Variants in RXRA observed in about 807,000 individuals in gnomAD.
The protein encoded by RXRA is retinoic acid receptor RXR-alpha.
A neutral mutation model predicts 44.5 loss-of-function variants in RXRA; 5 were observed. The observed-to-expected ratio is 0.11, with a 90% CI of 0.06 to 0.24. The LOEUF is 0.24. Ranked by LOEUF, RXRA falls within the 10% of genes least tolerant of loss-of-function variation. RXRA has a pLI of 1.00. For missense variants in RXRA, 412 were observed against 646.5 expected (o/e 0.64, Z 3.93); for synonymous variants, 291 against 271.4 (o/e 1.07, Z -0.71).
intron 1 of RXRA, among the ~76,000 whole-genome samples, chr9:134,348,573 C>T (rs782787079): frequency 6.6e-6 from 1 of 152,164 alleles, no homozygotes; most frequent in Non-Finnish European, 1.5e-5. Flanking sequence ...GTGGCCGACA[C>T]GTGGGTTGAG....
At chr9:134,397,245 G>C (rs73556231) in intron 1 of RXRA, among the ~76,000 whole-genome samples, 20,567 of 152,160 alleles carry the variant, frequency 0.14, 4,575 homozygotes, top group African/African-American at 0.46. Flanking sequence ...TACACCTGGG[G>C]TGGCAATTCA....
At chr9:134,357,823 G>C (rs1250419224) in intron 1 of RXRA, among the ~76,000 whole-genome samples, 1 of 152,230 alleles carries the variant, frequency 6.6e-6, no homozygotes, top group Non-Finnish European at 1.5e-5. Context: ...TTCTTCATAA[G>C]TTTGTTTATT....
intron 1 of RXRA, among the ~76,000 whole-genome samples, chr9:134,379,041 G>A (rs1830600550): frequency 6.6e-6 from 1 of 152,222 alleles, no homozygotes; most frequent in Admixed American, 6.5e-5. Flanking sequence ...TTGTCAGTCA[G>A]CAAATGCAGC....
chr9:134,416,846 T>C (rs1024973683), intron 4 of RXRA, among the ~76,000 whole-genome samples: 18 of 152,088 alleles, frequency 1.2e-4, no homozygotes, highest in Non-Finnish European at 2.5e-4. Flanking sequence ...TCTCCCTGAG[T>C]CCATAGACCG....
intron 1 of RXRA, among the ~76,000 whole-genome samples, chr9:134,387,688 C>T (rs1030996018): frequency 2.0e-5 from 3 of 152,224 alleles, no homozygotes; most frequent in Non-Finnish European, 2.9e-5. Flanking sequence ...GAGCGTTCCC[C>T]GCATTTTGTG....
At chr9:134,381,717 C>T (rs1202532808) in intron 1 of RXRA, among the ~76,000 whole-genome samples, 3 of 152,098 alleles carry the variant, frequency 2.0e-5, no homozygotes, top group African/African-American at 4.8e-5. Flanking sequence ...GGGGGTGGGG[C>T]CTCCTGGTTC....
intron 2 of RXRA, chr9:134,406,410 A>G (rs1831050801): frequency 6.6e-6 from 1 of 152,078 alleles, no homozygotes; most frequent in Non-Finnish European, 1.5e-5. Flanking sequence ...AAAAAAAAAA[A>G]AAAAGAGAAA....
At position 134,366,900 on chromosome 9, in the gene RXRA, C is replaced by T. The variant is rs1564271822; in HGVS notation, c.29-34732C>T. 1.3e-5 allele frequency among the ~76,000 whole-genome samples: 2 copies of T among 152,142 alleles called. No individual in the cohort carries two copies. Among genetic ancestry groups the T allele is most frequent in the Non-Finnish European group, 2.9e-5 (2 of 68,028 alleles). On this transcript the variant is annotated intron_variant, in intron 1 of 9. Coordinates refer to ENST00000481739, the MANE Select transcript of RXRA (RefSeq NM_002957.6). The surrounding 1 kb of genome is among the most constrained non-coding windows in gnomAD (Gnocchi z 5.9). ...TGGAAAGGCGCCAGGCAGGCTGAGT[C>T]GGAGATGTCCCTCAGGCTCCTGCTG...
At position 134,380,831 on chromosome 9, in the gene RXRA, G is replaced by A. The variant is rs140030930; in HGVS notation, c.29-20801G>A. On this transcript the variant is annotated intron_variant, in intron 1 of 9. Coordinates refer to ENST00000481739, the MANE Select transcript of RXRA (RefSeq NM_002957.6). ...AGAATCCAGGGCTGCCCGTCCTGAG[G>A]TAAGGGGCTTTGAGCTGCAGGCAGA... is the stretch of plus-strand genomic sequence containing the variant. Among the ~76,000 whole-genome samples, 6 of 152,300 alleles carry A rather than the reference G, an allele frequency of 3.9e-5. No individual in the cohort carries two copies. In the East Asian group the frequency reaches 1.2e-3, roughly 29 times the overall value.
chr9:134,388,352 G>C (rs114520271), intron 1 of RXRA, among the ~76,000 whole-genome samples: 1 of 151,898 alleles, frequency 6.6e-6, no homozygotes, highest in East Asian at 1.9e-4. Flanking sequence ...CGGGCATCTG[G>C]TGCTGGGTCA....
chr9:134,382,991 T>C (rs1156459732), intron 1 of RXRA, among the ~76,000 whole-genome samples: 5 of 152,214 alleles, frequency 3.3e-5, no homozygotes, highest in Non-Finnish European at 7.3e-5. Flanking sequence ...CAGAAGGGGC[T>C]GCAGTGGGAC....
chr9:134,337,949 G>A (rs1337299667), intron 1 of RXRA, among the ~76,000 whole-genome samples: 1 of 152,200 alleles, frequency 6.6e-6, no homozygotes, highest in Non-Finnish European at 1.5e-5. Flanking sequence ...GGGGAGAGAT[G>A]GGTGACTGCG....
chr9:134,419,196 G>A (rs1454684355), intron 5 of RXRA, among the ~76,000 whole-genome samples: 3 of 152,242 alleles, frequency 2.0e-5, no homozygotes, highest in East Asian at 1.9e-4. Flanking sequence ...CCAGCCTCGC[G>A]GAGGGCAGGG....
chr9:134,383,510 C>T (rs1030799985), intron 1 of RXRA, among the ~76,000 whole-genome samples: 6 of 152,100 alleles, frequency 3.9e-5, no homozygotes, highest in Admixed American at 2.6e-4. Flanking sequence ...CTCATGAGAC[C>T]GCACCACTTA....
chr9:134,431,309 G>C (rs895406863), intron 7 of RXRA, among the ~76,000 whole-genome samples: 1 of 152,270 alleles, frequency 6.6e-6, no homozygotes, highest in Admixed American at 6.5e-5. Flanking sequence ...CGCCCCCAGC[G>C]TCTCCATGGA....
At position 134,343,091 on chromosome 9, in the gene RXRA, G is replaced by T. The variant is rs1340032490; in HGVS notation, c.28+16432G>T. On this transcript the variant is annotated intron_variant, in intron 1 of 9. Coordinates refer to ENST00000481739, the MANE Select transcript of RXRA (RefSeq NM_002957.6). The surrounding 1 kb of genome is among the most constrained non-coding windows in gnomAD (Gnocchi z 4.1). Reference sequence around the variant, plus strand: ...TTGGACCCAGAGCATTTGGCCTTGGGAGGTGGGGAGGGGGTTCCTGCCCTG... The same window carrying T: ...TTGGACCCAGAGCATTTGGCCTTGGTAGGTGGGGAGGGGGTTCCTGCCCTG... Among the ~76,000 whole-genome samples, 1 of 152,174 alleles carries T rather than the reference G, an allele frequency of 6.6e-6. No homozygotes were observed. Among genetic ancestry groups the T allele is most frequent in the Non-Finnish European group, 1.5e-5 (1 of 68,012 alleles).
At chr9:134,412,658 G>A (rs1269837976) in intron 4 of RXRA, among the ~76,000 whole-genome samples, 1 of 152,194 alleles carries the variant, frequency 6.6e-6, no homozygotes, top group Non-Finnish European at 1.5e-5. Context: ...AGTGGTGGGT[G>A]TTGGCCCTCT....
chr9:134,329,756 C>T (rs1443343362), intron 1 of RXRA, among the ~76,000 whole-genome samples: 1 of 152,238 alleles, frequency 6.6e-6, no homozygotes, highest in African/African-American at 2.4e-5. Flanking sequence ...GGAGGCCCCT[C>T]TGACTGCCCT....
chr9:134,363,865 A>G (rs761026939), intron 1 of RXRA, among the ~76,000 whole-genome samples: 10 of 152,144 alleles, frequency 6.6e-5, no homozygotes, highest in Non-Finnish European at 8.8e-5. Flanking sequence ...AGCTCCAGAC[A>G]TGTCACCATC....
Sources: allele counts gnomAD v4.1 joint callset (sites outside exome capture counted in the v4.1 genomes callset), GRCh38; gene constraint gnomAD v4.1.1; non-coding constraint Gnocchi (gnomAD v3.1); transcripts MANE v1.5; gene names NCBI Gene and HGNC (gene_info 2026-07-23, HGNC 2026-07-21).